IQCM: variants seen among roughly 807,000 people sequenced by gnomAD.
The protein encoded by IQCM is IQ domain-containing protein M.
In IQCM, 45 loss-of-function variants were observed where a neutral mutation model predicts 57.6. That is an observed-to-expected ratio of 0.78 (90% confidence interval 0.62 to 1.00). IQCM has a LOEUF of 1.00. Among genes scored for constraint, IQCM ranks in the 50% least tolerant of loss-of-function variants. IQCM has a pLI of 0.00. For synonymous variants in IQCM, 148 were observed against 158.9 expected, an observed-to-expected ratio of 0.93 and a Z score of 0.51; for missense variants, 468 against 511.6, an observed-to-expected ratio of 0.91 and a Z score of 0.82.
At chr4:149,563,356 A>G (rs946824423) in intron 10 of IQCM, among the ~76,000 whole-genome samples, 3 of 152,192 alleles carry the variant, frequency 2.0e-5, no homozygotes, top group African/African-American at 7.2e-5. Context: ...TTTTGTTCAG[A>G]GTCTCCAACT....
At chr4:149,671,777 G>A (rs1411373091) in intron 7 of IQCM, among the ~76,000 whole-genome samples, 1 of 152,160 alleles carries the variant, frequency 6.6e-6, no homozygotes, top group Non-Finnish European at 1.5e-5. Flanking sequence ...TTTCCATGTA[G>A]TTGAGCAGTT....
chr4:149,797,047 T>C (rs1773174794), intron 2 of IQCM, among the ~76,000 whole-genome samples: 3 of 152,028 alleles, frequency 2.0e-5, no homozygotes, highest in African/African-American at 7.2e-5. Flanking sequence ...CAGGAAAACA[T>C]GATCTCACCA....
intron 8 of IQCM, among the ~76,000 whole-genome samples, chr4:149,601,716 C>A (rs561819306): frequency 4.6e-5 from 7 of 151,976 alleles, no homozygotes; most frequent in Non-Finnish European, 7.4e-5. Context: ...TACAGTCAAC[C>A]CTTCATCTGG....
At chr4:149,640,990 C>T (rs1758137384) in intron 7 of IQCM, among the ~76,000 whole-genome samples, 1 of 152,054 alleles carries the variant, frequency 6.6e-6, no homozygotes, top group African/African-American at 2.4e-5. Flanking sequence ...ATTAGCCGAG[C>T]GTGGTGTTGC....
rs1580003881 is a variant in IQCM, at chr4:149,689,291, C to T, written c.386-2823G>A. 3.3e-5 allele frequency among the ~76,000 whole-genome samples: 5 copies of T among 152,116 alleles called. No homozygotes were observed. In the South Asian group the frequency reaches 1.0e-3, roughly 32 times the overall value. ...GGATGAAGCTGGAAATCATCATCTG[C>T]ACCAAATTAACACAGGAACAGAAAA... On this transcript the variant is annotated intron_variant, in intron 5 of 13. Coordinates refer to ENST00000636793, the MANE Select transcript of IQCM (RefSeq NM_001363507.2).
At chr4:149,552,716 C>A (rs1579463027) in intron 11 of IQCM, among the ~76,000 whole-genome samples, 1 of 152,236 alleles carries the variant, frequency 6.6e-6, no homozygotes. Context: ...ATGATTCAAG[C>A]TATATGTATC....
chr4:149,609,058 G>A (rs2150048833), intron 8 of IQCM, among the ~76,000 whole-genome samples: 1 of 151,484 alleles, frequency 6.6e-6, no homozygotes, highest in Non-Finnish European at 1.5e-5. Flanking sequence ...TGAAAAAGGA[G>A]ATATTCCACT....
chr4:149,672,922 A>G (rs1761429294), intron 7 of IQCM, among the ~76,000 whole-genome samples: 1 of 152,286 alleles, frequency 6.6e-6, no homozygotes, highest in African/African-American at 2.4e-5. Flanking sequence ...GACTAACAGC[A>G]GATCTTTCGG....
chr4:149,459,763 A>G (rs1180660926), intron 12 of IQCM, among the ~76,000 whole-genome samples: 5 of 152,088 alleles, frequency 3.3e-5, no homozygotes, highest in Non-Finnish European at 5.9e-5. Flanking sequence ...ATATTCCAGA[A>G]TTTCCTTTCT....
At chr4:149,576,140 AT>A (rs1040259104) in intron 9 of IQCM, among the ~76,000 whole-genome samples, 1 of 151,482 alleles carries the variant, frequency 6.6e-6, no homozygotes, top group East Asian at 2.0e-4. Flanking sequence ...ATCAATTCTG[AT>A]TTTTTTTCTT....
intron 8 of IQCM, among the ~76,000 whole-genome samples, chr4:149,605,407 T>G (rs1754688256): frequency 6.6e-6 from 1 of 152,298 alleles, no homozygotes; most frequent in African/African-American, 2.4e-5. Context: ...TGTTGGTATA[T>G]CTAAGTAACA....
chr4:149,633,375 T>C (rs981590641), intron 7 of IQCM, among the ~76,000 whole-genome samples: 2 of 152,078 alleles, frequency 1.3e-5, no homozygotes, highest in Admixed American at 6.5e-5. Context: ...TTTCTACTTG[T>C]TATCAATATA....
At chr4:149,605,450 C>T (rs1368786799) in intron 8 of IQCM, among the ~76,000 whole-genome samples, 3 of 152,132 alleles carry the variant, frequency 2.0e-5, no homozygotes. Flanking sequence ...GCCAAGAGTG[C>T]TTTCTTTCAA....
At chr4:149,581,939 G>C (rs76352727) in intron 9 of IQCM, among the ~76,000 whole-genome samples, 2 of 151,400 alleles carry the variant, frequency 1.3e-5, no homozygotes, top group Non-Finnish European at 3.0e-5. Context: ...AGAAGGGGAG[G>C]GGCAAGGTGC....
chr4:149,757,239 C>G (rs1769058781), intron 2 of IQCM, among the ~76,000 whole-genome samples: 1 of 149,304 alleles, frequency 6.7e-6, no homozygotes, highest in African/African-American at 2.5e-5. Context: ...GCCCGGGCAA[C>G]AAAGCGAGAC....
intron 2 of IQCM, among the ~76,000 whole-genome samples, chr4:149,767,881 A>G (rs1770206691): frequency 6.6e-6 from 1 of 152,144 alleles, no homozygotes; most frequent in African/African-American, 2.4e-5. Flanking sequence ...CTATAGACAC[A>G]TTTTTAAGTG....
rs1578882687 is a variant in IQCM at position 149,387,525 on chromosome 4, A to T, written c.1391-35459T>A. 2.0e-5 allele frequency among the ~76,000 whole-genome samples: 3 copies of T among 152,018 alleles called. No homozygotes were observed. In the South Asian group the frequency reaches 6.2e-4, roughly 32 times the overall value. ...TTTTTCTAATTCTATCAATTCTCTC[A>T]TATTTATTTGCTGGAATTTCTTTTC... On this transcript the variant is annotated intron_variant, in intron 13 of 13. Coordinates refer to ENST00000636793, the MANE Select transcript of IQCM (RefSeq NM_001363507.2).
chr4:149,416,336 A>T (rs1361892678), intron 13 of IQCM, among the ~76,000 whole-genome samples: 1 of 151,890 alleles, frequency 6.6e-6, no homozygotes, highest in Non-Finnish European at 1.5e-5. Context: ...ATTCAATATA[A>T]TTTTTTTTAG....
chr4:149,602,200 T>C (rs1261287993), intron 8 of IQCM, among the ~76,000 whole-genome samples: 1 of 152,120 alleles, frequency 6.6e-6, no homozygotes, highest in African/African-American at 2.4e-5. Flanking sequence ...TGATGTAAAG[T>C]ATAGGGGAGG....
Sources: allele counts gnomAD v4.1 joint callset (sites outside exome capture counted in the v4.1 genomes callset), GRCh38; gene constraint gnomAD v4.1.1; transcripts MANE v1.5; gene names NCBI Gene and HGNC (gene_info 2026-07-23, HGNC 2026-07-21).